The following TRIM62 variants were observed in gnomAD, a reference collection of about 807,000 sequenced individuals.
The protein encoded by TRIM62 is tripartite motif containing 62.
A neutral mutation model predicts 44.2 loss-of-function variants in TRIM62; 39 were observed. The observed-to-expected ratio is 0.88, with a 90% CI of 0.68 to 1.15. The LOEUF (loss-of-function observed/expected upper bound fraction) is 1.15, where lower values mean the gene tolerates loss of function less well. TRIM62 is among the 50% of genes most tolerant of loss of function. The pLI, the probability that TRIM62 is intolerant of heterozygous loss-of-function variation, is 0.00. For missense variants in TRIM62, 544 were observed against 665.5 expected (o/e 0.82, Z 2.01); for synonymous variants, 278 against 292.3 (o/e 0.95, Z 0.50).
intron 1 of TRIM62, among the ~76,000 whole-genome samples, chr1:33,180,387 T>C (rs940411826): frequency 6.6e-6 from 1 of 152,112 alleles, no homozygotes; most frequent in Middle Eastern, 3.2e-3. Flanking sequence ...GATCTCAGTC[T>C]TAACCCCTCA....
At chr1:33,171,873 C>T (rs929902846) in intron 1 of TRIM62, among the ~76,000 whole-genome samples, 9 of 152,112 alleles carry the variant, frequency 5.9e-5, no homozygotes, top group Non-Finnish European at 1.2e-4. Context: ...CCTCTGCCTC[C>T]CAGGTTCAAG....
At chr1:33,151,765 T>C (rs936006326) in intron 4 of TRIM62, among the ~76,000 whole-genome samples, 2 of 152,216 alleles carry the variant, frequency 1.3e-5, no homozygotes, top group Non-Finnish European at 1.5e-5. Flanking sequence ...GTCAAAGGCA[T>C]TCAGGAAGGA....
intron 4 of TRIM62, among the ~76,000 whole-genome samples, chr1:33,148,035 G>A (rs1221483654): frequency 6.6e-6 from 1 of 152,222 alleles, no homozygotes; most frequent in Non-Finnish European, 1.5e-5. Flanking sequence ...TAACCAGAAT[G>A]AGGCCTAGAA....
rs187960213 is a variant in TRIM62 at position 33,161,137 on chromosome 1, G to T, written c.505-1193C>A. Among the ~76,000 whole-genome samples, 93 of 152,322 alleles carry T rather than the reference G, an allele frequency of 6.1e-4. No homozygotes were observed. The highest frequency in any genetic ancestry group is 2.1e-3 in the African/African-American group (88 of 41,570). On this transcript the variant is annotated intron_variant, in intron 2 of 4. Transcript: ENST00000291416. This position sits in a 1 kb window ranked among gnomAD's most constrained non-coding sequence, Gnocchi z 4.3. ...ATTGTGGTGAAGATGAAATGAGGGG[G>T]TGTTGTTGTGCGCACTCCAAGGCGC...
chr1:33,149,737 G>A (rs1221072872), intron 4 of TRIM62, among the ~76,000 whole-genome samples: 3 of 152,224 alleles, frequency 2.0e-5, no homozygotes. Flanking sequence ...TTATAGGTGT[G>A]AGCCACTGCA....
Position 33,147,672 on chromosome 1 carries a change from C to T in TRIM62, c.933G>A (p.Ser311=), listed in dbSNP as rs76988009. ...CGTAAGCCACAATGGTGCAGTCGTC[C>T]GACAGGATCAGGCGCTGGTGGGCTG... is the stretch of plus-strand genomic sequence containing the variant. ...PGTAHQRLIL[S]DDCTIVAYGN... is the part of the protein sequence containing the mutation. The change falls in exon 5 of 5, where the codon TCG becomes TCA. Residue 311 remains serine, a synonymous_variant. Transcript: ENST00000291416. The surrounding 1 kb of genome is among the most constrained non-coding windows in gnomAD (Gnocchi z 8.1). The T allele has an allele frequency of 7.2e-4, 1,165 of 1,613,830 alleles. 11 individuals are homozygous for T. In the African/African-American group the frequency reaches 0.014, roughly 19 times the overall value.
chr1:33,153,057 A>AGAGGGGGGGGGGGGGGGGGGGG (rs1645124957), intron 4 of TRIM62, among the ~76,000 whole-genome samples: 1 of 66,174 alleles, frequency 1.5e-5, no homozygotes, highest in African/African-American at 6.1e-5. Flanking sequence ...GAGGTGGGGG[A>AGAGGGGGGGGGGGGGGGGGGGG]GGGTGGAAGT....
chr1:33,148,205 G>A (rs1469724666), intron 4 of TRIM62, among the ~76,000 whole-genome samples: 1 of 152,142 alleles, frequency 6.6e-6, no homozygotes, highest in Non-Finnish European at 1.5e-5. Flanking sequence ...GTTCTGCAAA[G>A]GGAAGTTCTG....
chr1:33,176,314 G>T, intron 1 of TRIM62: 1 of 602,220 alleles, frequency 1.7e-6, no homozygotes, highest in South Asian at 1.8e-5. Flanking sequence ...CCCTCTCCTG[G>T]AAGAAACCAG....
In TRIM62 at chr1:33,159,788, G is replaced by A; in HGVS notation, c.661C>T (p.Gln221Ter). 1 of 1,613,840 alleles carries A rather than the reference G, an allele frequency of 6.2e-7. No homozygotes were observed. The highest frequency in any genetic ancestry group is 1.1e-5 in the South Asian group (1 of 91,082). ...IEQKVQRYSQ[Q>*]LRKVQEGAQI... ...GCTCCCTCCTGGACCTTGCGCAGCT[G>A]CTGGCTGTAGCGCTGGACTTTCTGC... The change falls in exon 3 of 5, where the codon CAG becomes TAG. Residue 221 changes from glutamine to a stop codon, truncating the protein, a stop_gained. Coordinates refer to ENST00000291416, the MANE Select transcript of TRIM62 (RefSeq NM_018207.3). LOFTEE classifies it high-confidence loss of function. This position sits in a 1 kb window ranked among gnomAD's most constrained non-coding sequence, Gnocchi z 4.2.
chr1:33,157,686 G>A lies in TRIM62; in HGVS notation c.877+567C>T, dbSNP rs192872796. Reference sequence around the variant, plus strand: ...ACCCTGTTGTATAGAAGGAGTCTATGAAGTGTCCAGGCCTCAGTCATTTCA... The same window carrying A: ...ACCCTGTTGTATAGAAGGAGTCTATAAAGTGTCCAGGCCTCAGTCATTTCA... On this transcript the variant is annotated intron_variant, in intron 4 of 4. Coordinates refer to ENST00000291416, the MANE Select transcript of TRIM62 (RefSeq NM_018207.3). Among the ~76,000 whole-genome samples the A allele has an allele frequency of 2.0e-3, 306 of 152,046 alleles. 2 individuals are homozygous for A. Among genetic ancestry groups the A allele is most frequent in the Non-Finnish European group, 3.2e-3 (217 of 68,006 alleles).
At chr1:33,148,223 C>T (rs929018438) in intron 4 of TRIM62, among the ~76,000 whole-genome samples, 2 of 152,184 alleles carry the variant, frequency 1.3e-5, no homozygotes, top group African/African-American at 2.4e-5. Context: ...CTGCCCCACA[C>T]CTTCCCCGAC....
rs116575967 is a variant in TRIM62, at chr1:33,146,386, G to A, written c.*791C>T. On this transcript the variant is annotated 3_prime_UTR_variant, in exon 5 of 5. Coordinates refer to ENST00000291416, the MANE Select transcript of TRIM62 (RefSeq NM_018207.3). ...AGGTCACAGAGGCCTGGCTGAAGAGGGTTGGCTGGACTCTTGTTCAGAGCT... is the reference window on the plus strand; with the variant it reads ...AGGTCACAGAGGCCTGGCTGAAGAGAGTTGGCTGGACTCTTGTTCAGAGCT... 8.9e-3 allele frequency: 1,445 copies of A among 161,584 alleles called. 22 individuals are homozygous for A. The highest frequency in any genetic ancestry group is 0.033 in the African/African-American group (1,368 of 41,654). 10.0% of individuals were successfully genotyped at this position (161,584 alleles called of 1,614,324 possible). A position where few individuals can be genotyped will look rare whatever the true frequency, so the allele number is the denominator to read the frequency against.
rs1645224479 is a variant in TRIM62, at chr1:33,159,100, C to T, written c.761+588G>A. On this transcript the variant is annotated intron_variant, in intron 3 of 4. Coordinates refer to ENST00000291416, the MANE Select transcript of TRIM62 (RefSeq NM_018207.3). The surrounding 1 kb of genome is among the most constrained non-coding windows in gnomAD (Gnocchi z 4.2). ...CCTCAGGTAATCCACCTGCCTCGGC[C>T]TCCCAAAGTGCTGGGATTACAGGTG... Among the ~76,000 whole-genome samples the T allele has an allele frequency of 6.6e-6, 1 of 152,042 alleles. No individual in the cohort carries two copies. The highest frequency in any genetic ancestry group is 2.4e-5 in the African/African-American group (1 of 41,382).
chr1:33,160,797 T>C (rs1038020872), intron 2 of TRIM62, among the ~76,000 whole-genome samples: 3 of 152,182 alleles, frequency 2.0e-5, no homozygotes, highest in Non-Finnish European at 2.9e-5. Context: ...GCTTTGTAAA[T>C]TGCAACGTAT....
intron 1 of TRIM62, among the ~76,000 whole-genome samples, chr1:33,171,753 T>A (rs1645376349): frequency 6.6e-6 from 1 of 152,120 alleles, no homozygotes; most frequent in South Asian, 2.1e-4. Context: ...TCCACCTTGG[T>A]TTCCAAATCT....
At position 33,147,576 on chromosome 1, in the gene TRIM62, A is replaced by G. The variant is rs149794302; in HGVS notation, c.1029T>C (p.Ser343=). 9 of 1,613,692 alleles carry G rather than the reference A, an allele frequency of 5.6e-6. No homozygotes were observed. The African/African-American group carries it at 1.1e-4, about 19-fold the overall frequency. ...AGTGGACGCCACTACTGAAGGCTTC[A>G]GAACCCAGCACCGACACCTCCACAT... ...RFDVEVSVLG[S]EAFSSGVHYW... is the part of the protein sequence containing the mutation. Residue 343 remains serine, a synonymous_variant, in exon 5 of 5, where the codon TCT becomes TCC. Transcript: ENST00000291416. The surrounding 1 kb of genome is among the most constrained non-coding windows in gnomAD (Gnocchi z 8.1).
Position 33,161,320 on chromosome 1 carries a change from A to G in TRIM62, c.505-1376T>C, listed in dbSNP as rs1645263524. Among the ~76,000 whole-genome samples the G allele has an allele frequency of 6.6e-6, 1 of 152,142 alleles. No individual in the cohort carries two copies. Among genetic ancestry groups the G allele is most frequent in the Non-Finnish European group, 1.5e-5 (1 of 68,004 alleles). Reference sequence around the variant, plus strand: ...AGGGAGCCGCATGAGGAAGGGCTTAACGTCAGGACGACACGGGCTATAGAA... The same window carrying G: ...AGGGAGCCGCATGAGGAAGGGCTTAGCGTCAGGACGACACGGGCTATAGAA... On this transcript the variant is annotated intron_variant, in intron 2 of 4. Transcript: ENST00000291416. The surrounding 1 kb of genome is among the most constrained non-coding windows in gnomAD (Gnocchi z 4.3).
chr1:33,148,924 T>A (rs1388492509), intron 4 of TRIM62, among the ~76,000 whole-genome samples: 2 of 152,080 alleles, frequency 1.3e-5, no homozygotes. Context: ...CTAACCAAGG[T>A]CGTCTGCAAT....
Sources: gnomAD v4.1 joint callset for allele counts (sites outside exome capture counted in the v4.1 genomes callset) on GRCh38, gnomAD v4.1.1 for gene constraint, Gnocchi (gnomAD v3.1) non-coding constraint, MANE v1.5 for transcripts, NCBI Gene and HGNC (gene_info 2026-07-23, HGNC 2026-07-21) for gene names.